SORCS3: variants seen among roughly 807,000 people sequenced by gnomAD.
The protein encoded by SORCS3 is VPS10 domain-containing receptor SorCS3.
SORCS3 carries 57 observed loss-of-function variants against 146.3 expected under a neutral mutation model. The ratio of observed to expected loss-of-function variants is 0.39; its 90% confidence interval spans 0.31 to 0.49. SORCS3 has a LOEUF of 0.49. SORCS3 is among the 20% of genes least tolerant of loss of function. SORCS3 has a pLI of 0.92. For missense variants in SORCS3, 1,341 were observed against 1,575.5 expected, an observed-to-expected ratio of 0.85 and a Z score of 2.52; for synonymous variants, 653 against 618.5, an observed-to-expected ratio of 1.06 and a Z score of -0.83.
chr10:105,197,226 G>A (rs143809593), intron 14 of SORCS3, among the ~76,000 whole-genome samples: 17 of 152,258 alleles, frequency 1.1e-4, no homozygotes, highest in African/African-American at 3.6e-4. Context: ...ATATCTTATT[G>A]CAGGTTACCA....
At chr10:104,674,742 T>A (rs1160539397) in intron 1 of SORCS3, among the ~76,000 whole-genome samples, 1 of 152,252 alleles carries the variant, frequency 6.6e-6, no homozygotes, top group Admixed American at 6.5e-5. Flanking sequence ...ATAGCTAATA[T>A]GTATAATCCT....
chr10:104,775,479 T>C lies in SORCS3; in HGVS notation c.628-67313T>C, dbSNP rs145226412. Among the ~76,000 whole-genome samples the C allele has an allele frequency of 1.6e-3, 248 of 152,306 alleles. 2 individuals are homozygous for C. The highest frequency in any genetic ancestry group is 5.7e-3 in the African/African-American group (238 of 41,558). ...TAGGCACACAGACACCCAGTGATGATGATCAGTACTGGCAGTAAGAAAATG... is the reference window on the plus strand; with the variant it reads ...TAGGCACACAGACACCCAGTGATGACGATCAGTACTGGCAGTAAGAAAATG... On this transcript the variant is annotated intron_variant, in intron 1 of 26. Transcript: ENST00000369701.
chr10:105,164,464 T>A, intron 12 of SORCS3, 85 bp downstream of exon 12: 1 of 994,160 alleles, frequency 1.0e-6, no homozygotes, highest in African/African-American at 1.6e-5. Flanking sequence ...ATTCTCAGCC[T>A]CATTATGACT....
chr10:104,847,361 A>T (rs554879852), intron 2 of SORCS3, among the ~76,000 whole-genome samples: 2 of 152,322 alleles, frequency 1.3e-5, no homozygotes, highest in Admixed American at 1.3e-4. Flanking sequence ...TATGTCTTGG[A>T]CATGAGCCCT....
Position 105,147,516 on chromosome 10 carries a change from T to C in SORCS3, c.1303-101T>C, listed in dbSNP as rs2056139513. On this transcript the variant is annotated intron_variant, in intron 8 of 26. Coordinates refer to ENST00000369701, the MANE Select transcript of SORCS3 (RefSeq NM_014978.3). ...GTTTAACATTGCCTATAACTCAAGC[T>C]TTTTCTCAGCAATTTCATAAGTCAT... is the stretch of plus-strand genomic sequence containing the variant. 2.8e-6 allele frequency: 3 copies of C among 1,059,528 alleles called. No individual in the cohort carries two copies. In the East Asian group the frequency reaches 7.6e-5, roughly 27 times the overall value. The allele number at this position is 1,059,528 out of a possible 1,614,324, so 65.6% of individuals were successfully genotyped here. A position where few individuals can be genotyped will look rare whatever the true frequency, so the allele number is the denominator to read the frequency against.
chr10:105,248,312 G>T (rs1350840077), intron 22 of SORCS3, among the ~76,000 whole-genome samples: 1 of 152,204 alleles, frequency 6.6e-6, no homozygotes, highest in African/African-American at 2.4e-5. Context: ...ACTTGGCACA[G>T]ATTTGCAACT....
intron 14 of SORCS3, among the ~76,000 whole-genome samples, chr10:105,182,075 G>GAAA (rs376694589): frequency 6.4e-4 from 95 of 148,830 alleles, no homozygotes; most frequent in Non-Finnish European, 1.2e-3. Flanking sequence ...CAGCTTCCTA[G>GAAA]AAAAAAAAAA....
At chr10:104,687,012 T>C (rs1191890825) in intron 1 of SORCS3, among the ~76,000 whole-genome samples, 2 of 152,184 alleles carry the variant, frequency 1.3e-5, no homozygotes, top group Non-Finnish European at 2.9e-5. Flanking sequence ...CTTCCATCTA[T>C]CTATTCATCC....
At chr10:104,721,243 C>T (rs2133444982) in intron 1 of SORCS3, among the ~76,000 whole-genome samples, 1 of 152,240 alleles carries the variant, frequency 6.6e-6, no homozygotes, top group East Asian at 1.9e-4. Flanking sequence ...AATCCTTTCC[C>T]CATTGCTTGT....
chr10:105,175,612 C>A (rs1391880020), intron 13 of SORCS3, among the ~76,000 whole-genome samples: 1 of 151,656 alleles, frequency 6.6e-6, no homozygotes, highest in Non-Finnish European at 1.5e-5. Flanking sequence ...AAGTAAAGTT[C>A]ATTTCCAATT....
At chr10:105,172,067 A>G (rs1251178062) in intron 13 of SORCS3, among the ~76,000 whole-genome samples, 1 of 152,176 alleles carries the variant, frequency 6.6e-6, no homozygotes, top group Non-Finnish European at 1.5e-5. Flanking sequence ...ATGCTGAGCA[A>G]TAGTAAATCT....
intron 1 of SORCS3, among the ~76,000 whole-genome samples, chr10:104,718,961 C>T (rs1240040214): frequency 2.6e-5 from 4 of 152,014 alleles, no homozygotes; most frequent in African/African-American, 9.7e-5. Context: ...GCCACATCTG[C>T]AATGTAAATT....
At chr10:105,204,665 A>T (rs1589687362) in intron 16 of SORCS3, among the ~76,000 whole-genome samples, 1 of 151,828 alleles carries the variant, frequency 6.6e-6, no homozygotes, top group Admixed American at 6.6e-5. Context: ...ACAAGGCCAG[A>T]TGCTCAGTTT....
intron 24 of SORCS3, among the ~76,000 whole-genome samples, chr10:105,256,139 A>G (rs1226591590): frequency 6.6e-6 from 1 of 152,196 alleles, no homozygotes; most frequent in Non-Finnish European, 1.5e-5. Context: ...ACAGTCCTCT[A>G]GCTCTCTTCA....
intron 4 of SORCS3, among the ~76,000 whole-genome samples, chr10:104,991,439 T>C (rs1413837093): frequency 2.0e-5 from 3 of 152,102 alleles, no homozygotes; most frequent in African/African-American, 4.8e-5. Flanking sequence ...CTTTCCTCTA[T>C]GTTTGTCTTT....
At chr10:105,093,884 A>T (rs2055727607) in intron 6 of SORCS3, among the ~76,000 whole-genome samples, 2 of 152,188 alleles carry the variant, frequency 1.3e-5, no homozygotes, top group Admixed American at 1.3e-4. Flanking sequence ...TCTGCTATAT[A>T]TTCAGCCTAG....
At chr10:105,096,353 C>A (rs1408064878) in intron 6 of SORCS3, among the ~76,000 whole-genome samples, 3 of 152,134 alleles carry the variant, frequency 2.0e-5, no homozygotes, top group Non-Finnish European at 4.4e-5. Flanking sequence ...AACATATACT[C>A]CCCATTTCTG....
chr10:104,743,527 G>C lies in SORCS3; in HGVS notation c.628-99265G>C, dbSNP rs141714730. 5.5e-3 allele frequency among the ~76,000 whole-genome samples: 836 copies of C among 152,294 alleles called. 9 individuals are homozygous for C. Among genetic ancestry groups the C allele is most frequent in the African/African-American group, 0.014 (598 of 41,560 alleles). On this transcript the variant is annotated intron_variant, in intron 1 of 26. Coordinates refer to ENST00000369701, the MANE Select transcript of SORCS3 (RefSeq NM_014978.3). ...CGTTCCTAATGTAGTAGAAGGCAGT[G>C]GGGGAGATGTGCCTTGGGAGGCATT...
chr10:105,162,921 A>G (rs1333504577), intron 11 of SORCS3, among the ~76,000 whole-genome samples: 2 of 152,186 alleles, frequency 1.3e-5, no homozygotes, highest in East Asian at 3.9e-4. Context: ...AATCCTTCTT[A>G]ACACAATGCT....
Sources: gnomAD v4.1 joint callset for allele counts (sites outside exome capture counted in the v4.1 genomes callset) on GRCh38, gnomAD v4.1.1 for gene constraint, MANE v1.5 for transcripts, NCBI Gene and HGNC (gene_info 2026-07-23, HGNC 2026-07-21) for gene names.